PPP1R1C: variants seen among roughly 807,000 people sequenced by gnomAD.
PPP1R1C encodes protein phosphatase 1 regulatory subunit 1C.
In PPP1R1C, 15 loss-of-function variants were observed where a neutral mutation model predicts 17.4. That is an observed-to-expected ratio of 0.86 (90% CI 0.58 to 1.33). PPP1R1C has a LOEUF of 1.33. Ranked by LOEUF, PPP1R1C falls within the 40% of genes most tolerant of loss-of-function variation. PPP1R1C has a pLI of 0.00. For synonymous variants in PPP1R1C, 35 were observed against 43.1 expected (o/e 0.81, Z 0.73); for missense variants, 143 against 130.0 (o/e 1.10, Z -0.48).
chr2:182,107,381 A>G (rs1016902308), intron 4 of PPP1R1C, among the ~76,000 whole-genome samples: 2 of 152,158 alleles, frequency 1.3e-5, no homozygotes, highest in African/African-American at 4.8e-5. Flanking sequence ...CATCCTTGCC[A>G]TTGTTTAAAA....
At chr2:182,034,982 T>C (rs1297297230) in intron 2 of PPP1R1C, among the ~76,000 whole-genome samples, 5 of 152,248 alleles carry the variant, frequency 3.3e-5, no homozygotes, top group Admixed American at 2.6e-4. Context: ...GGTCTGTCTC[T>C]TTTTGAAAGA....
intron 2 of PPP1R1C, among the ~76,000 whole-genome samples, chr2:182,036,933 G>A (rs1161719961): frequency 6.6e-6 from 1 of 152,126 alleles, no homozygotes. Flanking sequence ...TAGATGTTCA[G>A]TTTTTAGAAA....
chr2:181,961,124 C>G lies in PPP1R1C; in HGVS notation n.111+6490C>G. The G allele has an allele frequency of 3.3e-6, 2 of 599,424 alleles. No individual in the cohort carries two copies. The highest frequency in any genetic ancestry group is 3.0e-6 in the Non-Finnish European group (1 of 332,228). The allele number at this position is 599,424 out of a possible 1,614,324, so 37.1% of individuals were successfully genotyped here. A position where few individuals can be genotyped will look rare whatever the true frequency, so the allele number is the denominator to read the frequency against. ...TCATAGCAGTTTTCTTGTCTTCCTT[C>G]CCTCCCTTCCTTCCTTCCTTTCACC... On this transcript the variant is annotated intron_variant and non_coding_transcript_variant, in intron 1 of 5. Coordinates refer to the PPP1R1C transcript ENST00000464264. The surrounding 1 kb of genome is among the most constrained non-coding windows in gnomAD (Gnocchi z 5.8).
upstream of PPP1R1C, among the ~76,000 whole-genome samples, chr2:181,981,764 A>G (rs1377683826): frequency 6.6e-6 from 1 of 152,244 alleles, no homozygotes; most frequent in Non-Finnish European, 1.5e-5. Flanking sequence ...AGTTACAACT[A>G]GAATTGAAGG....
intron 4 of PPP1R1C, among the ~76,000 whole-genome samples, chr2:182,114,328 A>G (rs1222672822): frequency 6.6e-6 from 1 of 152,192 alleles, no homozygotes; most frequent in Non-Finnish European, 1.5e-5. Context: ...GAGAATTTCA[A>G]CAACATCCCC....
intron 2 of PPP1R1C, among the ~76,000 whole-genome samples, chr2:182,025,442 A>G (rs948530863): frequency 7.2e-6 from 1 of 138,218 alleles, no homozygotes; most frequent in Non-Finnish European, 1.5e-5. Context: ...GCCACCTATG[A>G]GTGAGAATAT....
At chr2:182,077,910 G>A (rs1441560880) in intron 4 of PPP1R1C, among the ~76,000 whole-genome samples, 2 of 152,216 alleles carry the variant, frequency 1.3e-5, no homozygotes, top group African/African-American at 4.8e-5. Flanking sequence ...GCCGGGCGTG[G>A]TGGCTCACGC....
chr2:182,047,934 G>A (rs906724516), intron 2 of PPP1R1C, among the ~76,000 whole-genome samples: 4 of 151,968 alleles, frequency 2.6e-5, no homozygotes, highest in African/African-American at 9.7e-5. Context: ...AATCCATCTT[G>A]TGTTTTCTTT....
intron 2 of PPP1R1C, among the ~76,000 whole-genome samples, chr2:181,990,635 T>C (rs780628252): frequency 6.6e-6 from 1 of 152,194 alleles, no homozygotes; most frequent in African/African-American, 2.4e-5. Flanking sequence ...AGAACAAAGA[T>C]ATAACAAGAA....
chr2:182,042,018 C>T (rs556906100), intron 2 of PPP1R1C, among the ~76,000 whole-genome samples: 107 of 152,222 alleles, frequency 7.0e-4, no homozygotes, highest in Middle Eastern at 3.4e-3. Context: ...CATACTTTTT[C>T]CTTTTCCGTG....
chr2:182,099,269 A>G (rs1689032106), intron 4 of PPP1R1C, among the ~76,000 whole-genome samples: 1 of 152,236 alleles, frequency 6.6e-6, no homozygotes, highest in African/African-American at 2.4e-5. Context: ...GCCTTAAAAA[A>G]TTGAAAAGTG....
rs545411994 is a variant in PPP1R1C, at chr2:181,998,589, C to T, written c.142+10690C>T. Reference sequence around the variant, plus strand: ...AAGCTGAGGCTTGATTAAAAGGAAACGAACAGAAGAAAGGGAGATGATTGT... The same window carrying T: ...AAGCTGAGGCTTGATTAAAAGGAAATGAACAGAAGAAAGGGAGATGATTGT... On this transcript the variant is annotated intron_variant, in intron 2 of 4. Coordinates refer to ENST00000682840, the MANE Select transcript of PPP1R1C (RefSeq NM_001080545.3). Among the ~76,000 whole-genome samples, 5 of 152,240 alleles carry T rather than the reference C, an allele frequency of 3.3e-5. No individual in the cohort carries two copies. In the East Asian group the frequency reaches 5.8e-4, roughly 18 times the overall value.
intron 2 of PPP1R1C, among the ~76,000 whole-genome samples, chr2:182,003,706 T>G (rs975159559): frequency 2.0e-5 from 3 of 151,730 alleles, no homozygotes; most frequent in Admixed American, 1.3e-4. Context: ...TGTGTGTGTG[T>G]GTAGTGTGTG....
chr2:182,124,314 G>GTTTTTTT (rs796745919), intron 5 of PPP1R1C, among the ~76,000 whole-genome samples: 5 of 42,086 alleles, frequency 1.2e-4, no homozygotes, highest in Admixed American at 2.5e-4. Flanking sequence ...GTTTTTTTTT[G>GTTTTTTT]TTTTTTTTTT....
Position 181,976,256 on chromosome 2 carries a change from GTA to G in PPP1R1C, n.157+998_157+999del, listed in dbSNP as rs1398860029. ...GTTTAATGCATGAGTACATGCATGT[GTA>G]TATATGGATACAAATCTATAATGAA... On this transcript the variant is annotated intron_variant and non_coding_transcript_variant, in intron 2 of 5. Transcript: ENST00000464264. This position sits in a 1 kb window ranked among gnomAD's most constrained non-coding sequence, Gnocchi z 4.8. 6.6e-6 allele frequency among the ~76,000 whole-genome samples: 1 copy of G among 151,820 alleles called. No homozygotes were observed. Among genetic ancestry groups the G allele is most frequent in the Admixed American group, 6.6e-5 (1 of 15,246 alleles).
At chr2:182,070,730 A>G (rs1348553292) in intron 4 of PPP1R1C, among the ~76,000 whole-genome samples, 2 of 152,228 alleles carry the variant, frequency 1.3e-5, no homozygotes, top group Non-Finnish European at 1.5e-5. Flanking sequence ...TGGGTAATTT[A>G]TAAAGAAAAG....
At chr2:182,058,508 G>T (rs1435088931) in intron 2 of PPP1R1C, among the ~76,000 whole-genome samples, 1 of 152,050 alleles carries the variant, frequency 6.6e-6, no homozygotes, top group Non-Finnish European at 1.5e-5. Context: ...GCACTCTTTG[G>T]AGGGAAGTTA....
At chr2:182,120,317 T>G (rs977331544), downstream of PPP1R1C, among the ~76,000 whole-genome samples, 1 of 151,796 alleles carries the variant, frequency 6.6e-6, no homozygotes, top group Non-Finnish European at 1.5e-5. Context: ...GCCTTGTAGC[T>G]GAAGGAAGTA....
At chr2:182,064,341 G>C (rs980427517) in intron 4 of PPP1R1C, among the ~76,000 whole-genome samples, 2 of 152,114 alleles carry the variant, frequency 1.3e-5, no homozygotes, top group Non-Finnish European at 2.9e-5. Flanking sequence ...ACTGCTAAAA[G>C]AAGACCTGTC....
Sources: gnomAD v4.1 joint callset for allele counts (sites outside exome capture counted in the v4.1 genomes callset) on GRCh38, gnomAD v4.1.1 for gene constraint, Gnocchi (gnomAD v3.1) non-coding constraint, MANE v1.5 for transcripts, NCBI Gene and HGNC (gene_info 2026-07-23, HGNC 2026-07-21) for gene names.